The following SYT17 variants were observed in gnomAD, a reference collection of about 807,000 sequenced individuals.
SYT17 encodes the protein synaptotagmin-17.
A neutral mutation model predicts 46.7 loss-of-function variants in SYT17; 22 were observed. The observed-to-expected ratio is 0.47, with a 90% CI of 0.34 to 0.67. The LOEUF is 0.67. SYT17 is among the 30% of genes least tolerant of loss of function. The pLI is 0.01. For missense variants in SYT17, 519 were observed against 612.8 expected, an observed-to-expected ratio of 0.85 and a Z score of 1.62; for synonymous variants, 251 against 248.4, an observed-to-expected ratio of 1.01 and a Z score of -0.10.
Position 19,183,612 on chromosome 16 carries a change from T to A in SYT17, c.416T>A (p.Ile139Asn). The A allele has an allele frequency of 6.2e-7, 1 of 1,614,162 alleles. No homozygotes were observed. The highest frequency in any genetic ancestry group is 2.2e-5 in the East Asian group (1 of 44,880). The change falls in exon 5 of 8, where the codon ATC becomes AAC. Residue 139 changes from isoleucine (I) to asparagine (N), a missense_variant. By Grantham distance (149) the Ile-to-Asn change is moderately radical (BLOSUM62 -3). Coordinates refer to ENST00000355377, the MANE Select transcript of SYT17 (RefSeq NM_016524.4). The surrounding 1 kb of genome is among the most constrained non-coding windows in gnomAD (Gnocchi z 5.6). ...GTTCTCAGCGCCAAGAAGGAGCCCA[T>A]CCAACCTTCGGTGCTCAGACGGACC... ...FGVLSAKKEPIQPSVLRRTYN... is the reference protein window; with the variant it reads ...FGVLSAKKEPNQPSVLRRTYN...
chr16:19,184,951 C>T (rs1050372743), intron 5 of SYT17, among the ~76,000 whole-genome samples: 11 of 152,172 alleles, frequency 7.2e-5, no homozygotes, highest in Non-Finnish European at 8.8e-5. Context: ...AAGCCACCCA[C>T]GGACCAGGCT....
At chr16:19,173,971 G>A (rs1011757583) in intron 3 of SYT17, among the ~76,000 whole-genome samples, 2 of 152,194 alleles carry the variant, frequency 1.3e-5, no homozygotes, top group African/African-American at 4.8e-5. Flanking sequence ...CCAAGTCAGC[G>A]TGACAAGATT....
At chr16:19,232,544 C>T (rs1040401391) in intron 7 of SYT17, among the ~76,000 whole-genome samples, 3 of 152,070 alleles carry the variant, frequency 2.0e-5, no homozygotes, top group Non-Finnish European at 4.4e-5. Context: ...AAGAATTAAA[C>T]CCTTGGCCCG....
intron 5 of SYT17, among the ~76,000 whole-genome samples, chr16:19,188,535 A>AAAAAAAAAAAAAAAAAAC (rs1964880087): frequency 6.6e-6 from 1 of 151,304 alleles, no homozygotes; most frequent in African/African-American, 2.4e-5. Flanking sequence ...AAAAAAAAAA[A>AAAAAAAAAAAAAAAAAAC]AAAGAAAGAA....
intron 7 of SYT17, among the ~76,000 whole-genome samples, chr16:19,236,335 CAT>C (rs779139437): frequency 3.3e-5 from 5 of 152,158 alleles, no homozygotes; most frequent in Admixed American, 2.6e-4. Context: ...TTTCAACAAA[CAT>C]ATAAGTTATG....
intron 5 of SYT17, 72 bp from the exon 6 acceptor site, chr16:19,222,973 A>C: frequency 6.3e-7 from 1 of 1,589,430 alleles, no homozygotes; most frequent in Non-Finnish European, 8.6e-7. Context: ...TGCTGCAATC[A>C]ATTTCTTGTA....
At chr16:19,209,750 C>T (rs868425769) in intron 5 of SYT17, among the ~76,000 whole-genome samples, 3 of 150,050 alleles carry the variant, frequency 2.0e-5, no homozygotes, top group African/African-American at 4.9e-5. Flanking sequence ...TGGTGGTGGG[C>T]GCCTGTAGTC....
rs1364838825 is a variant in SYT17 at position 19,183,999 on chromosome 16, A to G, written c.803A>G (p.Glu268Gly). The part of the protein sequence containing the change: ...ERYTFEIPFL[E>G]AQRRTLLLTV... ...TACACCTTCGAGATCCCCTTCCTGG[A>G]GGCCCAGAGGAGGACCCTGCTCCTG... The change falls in exon 5 of 8, where the codon GAG (glutamate) becomes GGG (glycine). Residue 268 changes from glutamate (E) to glycine (G), a missense_variant. Transcript: ENST00000355377. The surrounding 1 kb of genome is among the most constrained non-coding windows in gnomAD (Gnocchi z 5.6). 6.2e-7 allele frequency: 1 copy of G among 1,614,092 alleles called. No individual in the cohort carries two copies. Among genetic ancestry groups the G allele is most frequent in the Non-Finnish European group, 8.5e-7 (1 of 1,180,010 alleles).
chr16:19,214,766 A>G (rs1057226843), intron 5 of SYT17, among the ~76,000 whole-genome samples: 1 of 151,262 alleles, frequency 6.6e-6, no homozygotes, highest in Admixed American at 6.6e-5. Flanking sequence ...GCTGCTCACC[A>G]TATGTCATTC....
At chr16:19,204,724 A>C (rs1160951294) in intron 5 of SYT17, among the ~76,000 whole-genome samples, 1 of 152,026 alleles carries the variant, frequency 6.6e-6, no homozygotes, top group Non-Finnish European at 1.5e-5. Context: ...GAAGAATCTG[A>C]TCAAGTAGGC....
rs1555459738 is a variant in SYT17 at position 19,220,303 on chromosome 16, C to CTTTTTTTTTTTTTTT, written c.952-2739_952-2725dup. Among the ~76,000 whole-genome samples, 108 of 80,496 alleles carry CTTTTTTTTTTTTTTT rather than the reference C, an allele frequency of 1.3e-3. 2 individuals are homozygous for CTTTTTTTTTTTTTTT. The highest frequency in any genetic ancestry group is 8.8e-3 in the Middle Eastern group (1 of 114). 52.8% of individuals were successfully genotyped at this position (80,496 alleles called of 152,430 possible). A position where few individuals can be genotyped will look rare whatever the true frequency, so the allele number is the denominator to read the frequency against. ...TTCAATGACATTTCTTTCTTTCTTT[C>CTTTTTTTTTTTTTTT]TTTTTTTTTTTTTTTTTGAGATGAA... On this transcript the variant is annotated intron_variant, in intron 5 of 7. Coordinates refer to ENST00000355377, the MANE Select transcript of SYT17 (RefSeq NM_016524.4).
At chr16:19,184,328 T>G (rs1025245901) in intron 5 of SYT17, among the ~76,000 whole-genome samples, 181 bp downstream of exon 5, 1 of 152,144 alleles carries the variant, frequency 6.6e-6, no homozygotes, top group Admixed American at 6.5e-5. Context: ...TGATCCAGCA[T>G]GATAGCATCT....
intron 7 of SYT17, among the ~76,000 whole-genome samples, chr16:19,235,300 T>C (rs1966838804): frequency 1.3e-5 from 2 of 152,106 alleles, no homozygotes; most frequent in Admixed American, 6.5e-5. Context: ...AACCAAACTA[T>C]AGGGTGGCTC....
chr16:19,224,268 T>C (rs1966423254), intron 6 of SYT17, among the ~76,000 whole-genome samples: 1 of 152,102 alleles, frequency 6.6e-6, no homozygotes, highest in Non-Finnish European at 1.5e-5. Context: ...GAGTCCTCAG[T>C]TTTCTTATCT....
chr16:19,178,448 C>T (rs529076469), intron 3 of SYT17, among the ~76,000 whole-genome samples: 11 of 152,082 alleles, frequency 7.2e-5, no homozygotes, highest in Admixed American at 5.9e-4. Context: ...CATGCCACCA[C>T]GTCAGGTTAA....
chr16:19,171,161 C>CTGTG (rs1964067004), intron 1 of SYT17: 1 of 152,408 alleles, frequency 6.6e-6, no homozygotes, highest in South Asian at 2.1e-4. Flanking sequence ...GGGTCTTGTT[C>CTGTG]TGTGTATGGT....
At chr16:19,220,304 T>TTTCTTTC in intron 5 of SYT17, among the ~76,000 whole-genome samples, 1 of 17,860 alleles carries the variant, frequency 5.6e-5, no homozygotes, top group Non-Finnish European at 1.0e-4. Context: ...TCTTTCTTTC[T>TTTCTTTC]TTTTTTTTTT....
At chr16:19,172,239 T>C in intron 1 of SYT17, 2 of 856,548 alleles carry the variant, frequency 2.3e-6, no homozygotes, top group Non-Finnish European at 3.0e-6. Flanking sequence ...TAGTTCCCTC[T>C]ATTTGTGGGT....
chr16:19,236,550 CA>C (rs1226368788), intron 7 of SYT17, among the ~76,000 whole-genome samples: 4 of 152,088 alleles, frequency 2.6e-5, no homozygotes, highest in South Asian at 2.1e-4. Context: ...TGACCTCCCT[CA>C]GGTTCAATAA....
Sources: gnomAD v4.1 joint callset for allele counts (sites outside exome capture counted in the v4.1 genomes callset) on GRCh38, gnomAD v4.1.1 for gene constraint, Gnocchi (gnomAD v3.1) non-coding constraint, MANE v1.5 for transcripts, NCBI Gene and HGNC (gene_info 2026-07-23, HGNC 2026-07-21) for gene names.